The following PHF24 variants were observed in gnomAD, a reference collection of about 807,000 sequenced individuals.
PHF24 encodes the protein PHD finger protein 24.
Under a neutral mutation model 42.6 loss-of-function variants are expected in PHF24, and 25 were observed. That is an observed-to-expected ratio of 0.59 (90% CI 0.43 to 0.82). The LOEUF (loss-of-function observed/expected upper bound fraction) is 0.82, where lower values mean the gene tolerates loss of function less well. Among genes scored for constraint, PHF24 ranks in the 40% least tolerant of loss-of-function variants. The probability of loss-of-function intolerance (pLI) is 0.00; values close to 1 mark genes in which losing one functional copy is unlikely to be tolerated. For synonymous variants in PHF24, 185 were observed against 204.8 expected (o/e 0.90, Z 0.83); for missense variants, 470 against 538.1 (o/e 0.87, Z 1.25).
the PHF24 span, among the ~76,000 whole-genome samples, chr9:34,927,105 C>T: frequency 6.6e-6 from 1 of 152,176 alleles, no homozygotes; most frequent in South Asian, 2.1e-4. Flanking sequence ...GCCTCTCTCT[C>T]TTGTGGGAGG....
chr9:34,882,257 T>C, the PHF24 span, among the ~76,000 whole-genome samples: 6 of 152,162 alleles, frequency 3.9e-5, no homozygotes, highest in Non-Finnish European at 1.5e-5. Flanking sequence ...GCCAATATCG[T>C]ACTGAATGGG....
chr9:34,871,778 G>A, the PHF24 span, among the ~76,000 whole-genome samples: 34 of 152,190 alleles, frequency 2.2e-4, no homozygotes, highest in African/African-American at 7.9e-4. Context: ...CTACCACACC[G>A]TCTTGATTAC....
At chr9:34,972,471 C>G in exon 3 of PHF24, 1 of 1,614,054 alleles carries the variant, frequency 6.2e-7, no homozygotes, top group Non-Finnish European at 8.5e-7. Context: ...TCCAAGGAGA[C>G]AGTGCAGCGG....
chr9:34,676,166 G>A, the PHF24 span, among the ~76,000 whole-genome samples: 2 of 152,236 alleles, frequency 1.3e-5, no homozygotes, highest in South Asian at 4.1e-4. Flanking sequence ...GAAGGAGGCT[G>A]AAGTCAGGGC....
the PHF24 span, chr9:34,834,060 G>A: frequency 1.3e-6 from 2 of 1,548,320 alleles, no homozygotes; most frequent in Non-Finnish European, 1.7e-6. Flanking sequence ...AAGGCCTGTT[G>A]CTGCTGATCA....
At chr9:34,896,075 G>C in the PHF24 span, among the ~76,000 whole-genome samples, 3 of 152,036 alleles carry the variant, frequency 2.0e-5, no homozygotes, top group African/African-American at 7.3e-5. Context: ...ACAATGGCCT[G>C]ACACCTATTC....
At chr9:34,795,558 G>A in the PHF24 span, among the ~76,000 whole-genome samples, 1 of 152,158 alleles carries the variant, frequency 6.6e-6, no homozygotes, top group African/African-American at 2.4e-5. Flanking sequence ...AAATATTATA[G>A]ATTTTTGCCC....
At chr9:34,745,103 G>A in the PHF24 span, among the ~76,000 whole-genome samples, 1 of 152,218 alleles carries the variant, frequency 6.6e-6, no homozygotes, top group South Asian at 2.1e-4. Flanking sequence ...CAGGAGCAGA[G>A]GAGGGATTAG....
chr9:34,938,625 G>A, the PHF24 span, among the ~76,000 whole-genome samples: 1 of 152,120 alleles, frequency 6.6e-6, no homozygotes, highest in South Asian at 2.1e-4. Flanking sequence ...CTATAAAATG[G>A]GTTAAAAAAG....
the PHF24 span, chr9:34,833,583 G>C: frequency 1.9e-6 from 3 of 1,550,678 alleles, no homozygotes; most frequent in Non-Finnish European, 2.6e-6. Flanking sequence ...GCCCTAATGG[G>C]AATTCCCCAT....
the PHF24 span, chr9:34,723,573 T>G: frequency 1.3e-6 from 2 of 1,551,764 alleles, no homozygotes; most frequent in East Asian, 4.9e-5. Flanking sequence ...GTCTTGGGGT[T>G]AATATGCTGC....
the PHF24 span, among the ~76,000 whole-genome samples, chr9:34,713,292 A>G: frequency 3.3e-5 from 5 of 152,224 alleles, no homozygotes; most frequent in Non-Finnish European, 4.4e-5. Flanking sequence ...GAGGGCTGAA[A>G]CAAAGCAAGC....
chr9:34,818,678 G>A, the PHF24 span, among the ~76,000 whole-genome samples: 1 of 152,050 alleles, frequency 6.6e-6, no homozygotes, highest in Non-Finnish European at 1.5e-5. Context: ...TACTCACTTT[G>A]CCCAGGCACA....
chr9:34,823,010 C>A, the PHF24 span, among the ~76,000 whole-genome samples: 1 of 151,252 alleles, frequency 6.6e-6, no homozygotes, highest in Non-Finnish European at 1.5e-5. Flanking sequence ...TCCTGGCTAA[C>A]AAGGTGAAAC....
At chr9:34,804,959 T>C in the PHF24 span, among the ~76,000 whole-genome samples, 1 of 152,236 alleles carries the variant, frequency 6.6e-6, no homozygotes, top group African/African-American at 2.4e-5. Context: ...AATGGAATCA[T>C]ATAGTATACT....
chr9:34,774,278 C>T, the PHF24 span, among the ~76,000 whole-genome samples: 1 of 152,032 alleles, frequency 6.6e-6, no homozygotes, highest in Admixed American at 6.6e-5. Context: ...TTTTGTGCAT[C>T]GAAAGACACT....
At chr9:34,710,466 C>CTTTTT in the PHF24 span, among the ~76,000 whole-genome samples, 3 of 117,434 alleles carry the variant, frequency 2.6e-5, no homozygotes, top group Admixed American at 9.3e-5. Flanking sequence ...TGTAAGAGTT[C>CTTTTT]TTTTTTTTTT....
At chr9:34,907,581 T>C in the PHF24 span, among the ~76,000 whole-genome samples, 2 of 152,188 alleles carry the variant, frequency 1.3e-5, no homozygotes, top group African/African-American at 2.4e-5. Flanking sequence ...TAATTGATAA[T>C]TGATTGTCCC....
At chr9:34,936,006 A>G in the PHF24 span, among the ~76,000 whole-genome samples, 1 of 151,078 alleles carries the variant, frequency 6.6e-6, no homozygotes, top group African/African-American at 2.4e-5. Flanking sequence ...AAAAAAAAAA[A>G]TTGAGTCTCC....
Sources: allele counts gnomAD v4.1 joint callset (sites outside exome capture counted in the v4.1 genomes callset), GRCh38; gene constraint gnomAD v4.1.1; transcripts MANE v1.5; gene names NCBI Gene and HGNC (gene_info 2026-07-23, HGNC 2026-07-21).